RDX: variants seen among roughly 807,000 people sequenced by gnomAD.
RDX encodes the protein deafness, autosomal recessive 24.
A neutral mutation model predicts 83.7 loss-of-function variants in RDX; 32 were observed. That is an observed-to-expected ratio of 0.38 (90% CI 0.29 to 0.51). The LOEUF (loss-of-function observed/expected upper bound fraction) is 0.51, where lower values mean the gene tolerates loss of function less well. Among genes scored for constraint, RDX ranks in the 20% least tolerant of loss-of-function variants. RDX has a pLI of 0.87. For missense variants in RDX, 600 were observed against 689.9 expected, an observed-to-expected ratio of 0.87 and a Z score of 1.46; for synonymous variants, 229 against 222.7, an observed-to-expected ratio of 1.03 and a Z score of -0.25.
At chr11:110,202,103 A>G (rs1356394162) in intron 14 of RDX, among the ~76,000 whole-genome samples, 3 of 151,852 alleles carry the variant, frequency 2.0e-5, no homozygotes, top group Admixed American at 6.6e-5. Context: ...TAAAGAATCT[A>G]TTTATCTAGT....
Position 110,253,836 on chromosome 11 carries a change from T to C in RDX, c.959+110A>G, listed in dbSNP as rs2134354012. The C allele has an allele frequency of 1.2e-5, 11 of 897,854 alleles. 1 individual carries two copies. The South Asian group carries it at 1.7e-4, about 13-fold the overall frequency. 55.6% of individuals were successfully genotyped at this position (897,854 alleles called of 1,614,324 possible). ...ATACTGTCTTTGAATTTTAATATAATGAAAATATTAATAAATACAAATTTA... is the reference window on the plus strand; with the variant it reads ...ATACTGTCTTTGAATTTTAATATAACGAAAATATTAATAAATACAAATTTA... On this transcript the variant is annotated intron_variant, in intron 9 of 13. Transcript: ENST00000645495.
chr11:110,225,209 A>C (rs547322819), downstream of RDX, among the ~76,000 whole-genome samples: 2 of 151,200 alleles, frequency 1.3e-5, no homozygotes, highest in Non-Finnish European at 3.0e-5. Flanking sequence ...AAACACAAAC[A>C]CCAAAAGCAC....
At chr11:110,184,787 G>C (rs1401429584) in intron 15 of RDX, among the ~76,000 whole-genome samples, 1 of 152,180 alleles carries the variant, frequency 6.6e-6, no homozygotes, top group Non-Finnish European at 1.5e-5. Context: ...GGAATTCATT[G>C]CGTTTGTGGA....
intron 15 of RDX, among the ~76,000 whole-genome samples, chr11:110,193,221 A>G (rs1223662973): frequency 6.6e-6 from 1 of 152,240 alleles, no homozygotes; most frequent in Non-Finnish European, 1.5e-5. Context: ...TTACAGCAAC[A>G]TGAATGCAGC....
rs1031031364 is a variant in RDX at position 110,205,597 on chromosome 11, A to C, written c.1749-5919T>G. 5.0e-4 allele frequency among the ~76,000 whole-genome samples: 73 copies of C among 146,888 alleles called. No homozygotes were observed. In the South Asian group the frequency reaches 5.1e-3, roughly 10 times the overall value. On this transcript the variant is annotated intron_variant, in intron 14 of 15. Coordinates refer to the RDX transcript ENST00000528498. ...ATAAACAATCTAATAAAAAACAGGC[A>C]AAAAAAAAGTTATTTCAAAGAAAAT...
chr11:110,254,501 G>A (rs372028610), intron 8 of RDX, among the ~76,000 whole-genome samples: 3 of 149,680 alleles, frequency 2.0e-5, no homozygotes, highest in Non-Finnish European at 3.0e-5. Flanking sequence ...TTTTTGAGAC[G>A]GAGTCTTGCT....
At position 110,291,897 on chromosome 11, in the gene RDX, C is replaced by G. The variant is rs368544794; in HGVS notation, c.-65+4570G>C. ...TAATCCTCCCAGCACTTCAGGAGGCCGAGGCAGAAAGTCCAAGGCAGGAAG... is the reference window on the plus strand; with the variant it reads ...TAATCCTCCCAGCACTTCAGGAGGCGGAGGCAGAAAGTCCAAGGCAGGAAG... On this transcript the variant is annotated intron_variant, in intron 1 of 13. Coordinates refer to ENST00000645495, the MANE Select transcript of RDX (RefSeq NM_002906.4). Among the ~76,000 whole-genome samples, 30 of 151,972 alleles carry G rather than the reference C, an allele frequency of 2.0e-4. No homozygotes were observed. In the East Asian group the frequency reaches 4.3e-3, roughly 22 times the overall value.
intron 14 of RDX, among the ~76,000 whole-genome samples, chr11:110,202,580 G>A (rs1863452193): frequency 6.6e-6 from 1 of 151,176 alleles, no homozygotes; most frequent in Admixed American, 6.6e-5. Flanking sequence ...CACTACACCT[G>A]GCTAATTTTT....
At chr11:110,273,511 G>T (rs778720727) in intron 2 of RDX, among the ~76,000 whole-genome samples, 1 of 151,976 alleles carries the variant, frequency 6.6e-6, no homozygotes, top group Non-Finnish European at 1.5e-5. Flanking sequence ...TCTCCTGGAC[G>T]CAAACCTATA....
In RDX at chr11:110,277,199, TG is replaced by T. The variant is rs200747084; in HGVS notation, c.12+2481del. Among the ~76,000 whole-genome samples, 1,427 of 152,338 alleles carry T rather than the reference TG, an allele frequency of 9.4e-3. 30 individuals are homozygous for T. The highest frequency in any genetic ancestry group is 0.033 in the African/African-American group (1,359 of 41,588). The stretch of plus-strand genomic sequence containing the variant: ...ATAAACACTCTCCACTCAATTATAC[TG>T]GCAAAGAGTTTTCCAAAGTAGCTGT... On this transcript the variant is annotated intron_variant, in intron 2 of 13. Transcript: ENST00000645495.
chr11:110,199,234 G>T, intron 15 of RDX, among the ~76,000 whole-genome samples: 1 of 152,266 alleles, frequency 6.6e-6, no homozygotes, highest in South Asian at 2.1e-4. Context: ...AAAGGTAAGA[G>T]AATCCCCTAA....
rs78424056 is a variant in RDX, at chr11:110,234,533, G to A, written c.1345-1054C>T. On this transcript the variant is annotated intron_variant, in intron 12 of 13. Transcript: ENST00000645495. ...AGTATCCTGGAAGAATATGTACTAA[G>A]GTTTTGCAGTATTTCCCCTAGTTTA... Among the ~76,000 whole-genome samples, 743 of 152,210 alleles carry A rather than the reference G, an allele frequency of 4.9e-3. 9 individuals are homozygous for A. The highest frequency in any genetic ancestry group is 0.017 in the African/African-American group (715 of 41,522).
chr11:110,220,423 A>T (rs958852037), intron 14 of RDX, among the ~76,000 whole-genome samples: 1 of 152,204 alleles, frequency 6.6e-6, no homozygotes, highest in African/African-American at 2.4e-5. Flanking sequence ...AAGGTCTCAG[A>T]AGTGGCCAGG....
chr11:110,244,002 A>AG (rs1406682763), intron 10 of RDX, among the ~76,000 whole-genome samples: 1 of 152,176 alleles, frequency 6.6e-6, no homozygotes, highest in Admixed American at 6.5e-5. Flanking sequence ...TCCACTCCTT[A>AG]GGTTACACCC....
At chr11:110,237,414 C>CTTTTCTTT (rs1864900112) in intron 11 of RDX, 78 bp downstream of exon 11, 2 of 1,418,302 alleles carry the variant, frequency 1.4e-6, no homozygotes, top group East Asian at 2.3e-5. Flanking sequence ...AAAATGGTTG[C>CTTTTCTTT]TTTTCTTTTT....
At chr11:110,294,636 G>C (rs539231050) in intron 1 of RDX, among the ~76,000 whole-genome samples, 49 of 151,894 alleles carry the variant, frequency 3.2e-4, no homozygotes, top group Non-Finnish European at 2.1e-4. Context: ...CTCAGCAAGG[G>C]AGGGAAACAA....
intron 1 of RDX, among the ~76,000 whole-genome samples, chr11:110,286,173 A>G (rs1184375416): frequency 6.6e-6 from 1 of 152,082 alleles, no homozygotes; most frequent in Non-Finnish European, 1.5e-5. Context: ...TCTTTTCCAT[A>G]CCTACTTCTC....
intron 5 of RDX, among the ~76,000 whole-genome samples, chr11:110,262,205 T>C (rs1859834250): frequency 6.6e-6 from 1 of 152,190 alleles, no homozygotes; most frequent in Non-Finnish European, 1.5e-5. Context: ...CCTGACTCTC[T>C]TGGTGAACAA....
At position 110,237,665 on chromosome 11, in the gene RDX, T is replaced by C; in HGVS notation, c.1091-13A>G. 1 of 1,613,424 alleles carries C rather than the reference T, an allele frequency of 6.2e-7. No homozygotes were observed. The highest frequency in any genetic ancestry group is 8.5e-7 in the Non-Finnish European group (1 of 1,179,316). On this transcript the variant is annotated splice_polypyrimidine_tract_variant and intron_variant, in intron 10 of 13. Transcript: ENST00000645495. ...TGTTCTTCTAGTTCTATGAAATATG[T>C]GTATTCCCCCCAACAGTGATTAATT...
Sources: allele counts gnomAD v4.1 joint callset (sites outside exome capture counted in the v4.1 genomes callset), GRCh38; gene constraint gnomAD v4.1.1; transcripts MANE v1.5; gene names NCBI Gene and HGNC (gene_info 2026-07-23, HGNC 2026-07-21).